The following RAB27B variants were observed in gnomAD, a reference collection of about 807,000 sequenced individuals.
RAB27B encodes the protein RAB27B, member RAS oncogene family, also known as ras-related protein Rab-27B.
RAB27B carries 15 observed loss-of-function variants against 24.6 expected under a neutral mutation model. The observed-to-expected ratio is 0.61, with a 90% confidence interval of 0.41 to 0.94. The LOEUF is 0.94. Ranked by LOEUF, RAB27B falls within the 40% of genes least tolerant of loss-of-function variation. RAB27B has a pLI of 0.00. For missense variants in RAB27B, 261 were observed against 266.8 expected (o/e 0.98, Z 0.15); for synonymous variants, 105 against 92.5 (o/e 1.14, Z -0.78).
At chr18:54,768,061 G>C (rs930591107) in intron 2 of RAB27B, among the ~76,000 whole-genome samples, 1 of 152,134 alleles carries the variant, frequency 6.6e-6, no homozygotes, top group Non-Finnish European at 1.5e-5. Flanking sequence ...GTCTAGTAGG[G>C]GCCAATGCAG....
chr18:54,772,975 G>C (rs1908598042), intron 2 of RAB27B, among the ~76,000 whole-genome samples: 2 of 151,776 alleles, frequency 1.3e-5, no homozygotes, highest in African/African-American at 4.8e-5. Flanking sequence ...CTCCATGACT[G>C]TGTTTACATG....
At chr18:54,845,949 A>G (rs184905560) in intron 1 of RAB27B, among the ~76,000 whole-genome samples, 1 of 152,274 alleles carries the variant, frequency 6.6e-6, no homozygotes, top group Non-Finnish European at 1.5e-5. Context: ...GAGTCATCCA[A>G]CTTGCATATT....
At chr18:54,883,232 G>T (rs1305912285) in intron 3 of RAB27B, among the ~76,000 whole-genome samples, 1 of 152,082 alleles carries the variant, frequency 6.6e-6, no homozygotes, top group Non-Finnish European at 1.5e-5. Flanking sequence ...GAAAGGCAGG[G>T]AACATCTGGA....
At chr18:54,751,952 T>C (rs1407258562) in intron 2 of RAB27B, among the ~76,000 whole-genome samples, 2 of 152,134 alleles carry the variant, frequency 1.3e-5, no homozygotes, top group African/African-American at 4.8e-5. Context: ...CAATTTACAC[T>C]AGCTGGGGTT....
At chr18:54,844,947 T>G (rs1911270830) in intron 1 of RAB27B, among the ~76,000 whole-genome samples, 2 of 152,170 alleles carry the variant, frequency 1.3e-5, no homozygotes, top group South Asian at 4.1e-4. Context: ...TTTTTCATCA[T>G]CAACACTAGA....
At chr18:54,744,870 G>A (rs1483454175) in intron 2 of RAB27B, 12 of 214,294 alleles carry the variant, frequency 5.6e-5, no homozygotes, top group Non-Finnish European at 8.9e-5. Context: ...TCTGCAAAAG[G>A]AAAAGTGATG....
intron 2 of RAB27B, among the ~76,000 whole-genome samples, chr18:54,878,967 A>G (rs1301911737): frequency 6.6e-6 from 1 of 152,162 alleles, no homozygotes; most frequent in Non-Finnish European, 1.5e-5. Context: ...CTGTGATTTC[A>G]CTGAAGTGTG....
chr18:54,780,548 G>A (rs958427784), intron 2 of RAB27B, among the ~76,000 whole-genome samples: 20 of 151,904 alleles, frequency 1.3e-4, no homozygotes, highest in African/African-American at 4.1e-4. Flanking sequence ...GTGTCCTCGC[G>A]TGGCCTTTTC....
At chr18:54,851,547 A>G (rs1439302123) in intron 1 of RAB27B, among the ~76,000 whole-genome samples, 1 of 152,204 alleles carries the variant, frequency 6.6e-6, no homozygotes, top group African/African-American at 2.4e-5. Flanking sequence ...AGTATTTGGG[A>G]CATATTTACA....
chr18:54,742,360 T>C (rs1040271510), intron 2 of RAB27B, among the ~76,000 whole-genome samples: 3 of 152,216 alleles, frequency 2.0e-5, no homozygotes, highest in Non-Finnish European at 4.4e-5. Context: ...TTCATCTTTC[T>C]GAGTTTATAA....
chr18:54,795,510 A>G (rs996858576), intron 2 of RAB27B, among the ~76,000 whole-genome samples: 8 of 152,210 alleles, frequency 5.3e-5, no homozygotes, highest in African/African-American at 1.9e-4. Context: ...AGCAGGGAAG[A>G]AATGTGACTA....
intron 5 of RAB27B, 125 bp downstream of exon 5, chr18:54,888,243 C>A: frequency 9.1e-7 from 1 of 1,099,496 alleles, no homozygotes; most frequent in Non-Finnish European, 1.3e-6. Context: ...TTAAAAAGAT[C>A]TTTCAGAGAG....
intron 2 of RAB27B, among the ~76,000 whole-genome samples, chr18:54,796,101 C>T (rs568701302): frequency 1.3e-5 from 2 of 152,260 alleles, no homozygotes; most frequent in South Asian, 4.1e-4. Context: ...GTTTCCTCAT[C>T]CCCCTTGCAA....
chr18:54,718,669 G>T (rs1358269353), intron 2 of RAB27B, among the ~76,000 whole-genome samples: 1 of 152,124 alleles, frequency 6.6e-6, no homozygotes, highest in African/African-American at 2.4e-5. Flanking sequence ...ACAGCTAGTA[G>T]ATGGCACACA....
chr18:54,886,872 A>G (rs912411923), intron 4 of RAB27B, among the ~76,000 whole-genome samples: 1 of 152,112 alleles, frequency 6.6e-6, no homozygotes, highest in Non-Finnish European at 1.5e-5. Context: ...TTGGCAAGGT[A>G]GCACACAGCA....
At chr18:54,851,044 A>C (rs1013630147) in intron 1 of RAB27B, among the ~76,000 whole-genome samples, 1 of 152,090 alleles carries the variant, frequency 6.6e-6, no homozygotes, top group African/African-American at 2.4e-5. Context: ...TAATATATGA[A>C]AGTGCAATGC....
At chr18:54,722,101 C>T (rs189721958) in intron 2 of RAB27B, among the ~76,000 whole-genome samples, 3 of 152,242 alleles carry the variant, frequency 2.0e-5, no homozygotes, top group Admixed American at 2.0e-4. Flanking sequence ...ATTTAATTTC[C>T]ATGATGACTT....
intron 2 of RAB27B, among the ~76,000 whole-genome samples, chr18:54,789,681 T>G (rs570212781): frequency 6.6e-6 from 1 of 152,242 alleles, no homozygotes; most frequent in African/African-American, 2.4e-5. Flanking sequence ...GATGAGTGAC[T>G]TTTTGTAACT....
rs544120611 is a variant in RAB27B, at chr18:54,724,740, C to T, written c.-20+6599C>T. Among the ~76,000 whole-genome samples the T allele has an allele frequency of 3.0e-4, 46 of 151,464 alleles. 2 individuals carry two copies. Among genetic ancestry groups the T allele is most frequent in the African/African-American group, 1.0e-3 (43 of 41,380 alleles). ...AAAAACCTACTATACTACTGTATTA[C>T]TCAGTGATTCTGTTTCCAGTTCTGG... On this transcript the variant is annotated intron_variant, in intron 2 of 4. Coordinates refer to the RAB27B transcript ENST00000586570.
Sources: allele counts gnomAD v4.1 joint callset (sites outside exome capture counted in the v4.1 genomes callset), GRCh38; gene constraint gnomAD v4.1.1; transcripts MANE v1.5; gene names NCBI Gene and HGNC (gene_info 2026-07-23, HGNC 2026-07-21).